The following SCAF4 variants were observed in gnomAD, a reference collection of about 807,000 sequenced individuals.
SCAF4 encodes SR-related CTD associated factor 4, also known as SR-related and CTD-associated factor 4.
In SCAF4, 25 loss-of-function variants were observed where a neutral mutation model predicts 129.8. That is an observed-to-expected ratio of 0.19 (90% CI 0.14 to 0.27). SCAF4 has a LOEUF of 0.27. Ranked by LOEUF, SCAF4 falls within the 10% of genes least tolerant of loss-of-function variation. The pLI is 1.00. For missense variants in SCAF4, 1,246 were observed against 1,457.1 expected, an observed-to-expected ratio of 0.86 and a Z score of 2.36; for synonymous variants, 551 against 497.7, an observed-to-expected ratio of 1.11 and a Z score of -1.43.
At chr21:31,690,997 G>C in intron 14 of SCAF4, 44 bp from the exon 15 acceptor site, 1 of 1,538,824 alleles carries the variant, frequency 6.5e-7, no homozygotes, top group East Asian at 2.3e-5. Flanking sequence ...ACAAAGCAAG[G>C]TCGTAAGTCT....
intron 5 of SCAF4, 26 bp downstream of exon 5, chr21:31,702,218 G>A (rs776262025): frequency 1.2e-6 from 2 of 1,613,204 alleles, no homozygotes; most frequent in South Asian, 1.1e-5. Flanking sequence ...ACCATTGTGT[G>A]AGCTCACAGA....
At chr21:31,721,055 T>C (rs2051054175) in intron 1 of SCAF4, among the ~76,000 whole-genome samples, 1 of 152,228 alleles carries the variant, frequency 6.6e-6, no homozygotes, top group Non-Finnish European at 1.5e-5. Flanking sequence ...GTTTTTGATA[T>C]ATTCAAGAGT....
intron 1 of SCAF4, among the ~76,000 whole-genome samples, chr21:31,716,207 C>T (rs2050917182): frequency 6.6e-6 from 1 of 152,058 alleles, no homozygotes; most frequent in Non-Finnish European, 1.5e-5. Context: ...GAAACCTAAA[C>T]TTTAAAAAAT....
At position 31,693,436 on chromosome 21, in the gene SCAF4, A is replaced by G. The variant is rs2050307914; in HGVS notation, c.1371T>C (p.Ser457=). ...RSRSGSRSRR[S]RHRRSRSRSR... is the part of the protein sequence containing the mutation. ...ACCGAGATCGAGAACGTCGATGCCG[A>G]GACCTTCGAGATCTAGAACCAGATC... The change falls in exon 12 of 20, where the codon TCT becomes TCC. Residue 457 remains serine, a synonymous_variant. Coordinates refer to ENST00000286835, the MANE Select transcript of SCAF4 (RefSeq NM_020706.2). 1.3e-6 allele frequency: 2 copies of G among 1,554,452 alleles called. No individual in the cohort carries two copies. The highest frequency in any genetic ancestry group is 2.4e-5 in the South Asian group (2 of 84,570).
chr21:31,706,659 A>C (rs1181385475), intron 1 of SCAF4: 2 of 339,066 alleles, frequency 5.9e-6, no homozygotes, highest in Non-Finnish European at 5.4e-6. Flanking sequence ...CTGCTCCTGC[A>C]AAAGTGGAAA....
intron 19 of SCAF4, among the ~76,000 whole-genome samples, chr21:31,677,740 TTGC>T (rs1489120645): frequency 2.6e-5 from 4 of 152,166 alleles, no homozygotes; most frequent in Non-Finnish European, 4.4e-5. Context: ...TCAGCATCCT[TTGC>T]TGGAGAGTAC....
chr21:31,712,692 C>T (rs2050833598), intron 1 of SCAF4, among the ~76,000 whole-genome samples: 1 of 151,850 alleles, frequency 6.6e-6, no homozygotes, highest in African/African-American at 2.4e-5. Flanking sequence ...CCATGCCTGG[C>T]TAATGTTTGT....
At chr21:31,691,974 A>G in intron 13 of SCAF4, 44 bp from the exon 14 acceptor site, 2 of 1,078,780 alleles carry the variant, frequency 1.9e-6, no homozygotes, top group Non-Finnish European at 2.8e-6. Flanking sequence ...ACAAAATTGA[A>G]AAGCAACAAG....
At chr21:31,693,208 T>C (rs1342656092) in intron 12 of SCAF4, 86 bp downstream of exon 12, 5 of 969,732 alleles carry the variant, frequency 5.2e-6, no homozygotes, top group East Asian at 2.9e-5. Context: ...ACATTTCTTT[T>C]ATAGTTTTGC....
rs751966202 is a variant in SCAF4, at chr21:31,705,449, G to T, written c.133C>A (p.Gln45Lys). ...KAIKLYKHVV[Q>K]IVEKFIKKCK... ...TTTTTGATGAACTTTTCTACTATTTGAACTACATGCTTATAAAGCTGAAAA... is the reference window on the plus strand; with the variant it reads ...TTTTTGATGAACTTTTCTACTATTTTAACTACATGCTTATAAAGCTGAAAA... The change falls in exon 3 of 20, where the codon CAA (glutamine) becomes AAA (lysine). Residue 45 changes from glutamine to lysine, a missense_variant. Transcript: ENST00000286835. 2.3e-6 allele frequency: 3 copies of T among 1,302,046 alleles called. No individual in the cohort carries two copies. Among genetic ancestry groups the T allele is most frequent in the Non-Finnish European group, 2.1e-6 (2 of 932,732 alleles). The allele number at this position is 1,302,046 out of a possible 1,614,324, so 80.7% of individuals were successfully genotyped here. A position where few individuals can be genotyped will look rare whatever the true frequency, so the allele number is the denominator to read the frequency against.
At chr21:31,676,472 G>A (rs1159455746) in intron 19 of SCAF4, among the ~76,000 whole-genome samples, 1 of 152,066 alleles carries the variant, frequency 6.6e-6, no homozygotes, top group Non-Finnish European at 1.5e-5. Flanking sequence ...CCCCAACATT[G>A]GTTTTAAATG....
intron 1 of SCAF4, among the ~76,000 whole-genome samples, chr21:31,722,777 A>AC (rs1204626000): frequency 2.0e-5 from 3 of 150,702 alleles, no homozygotes; most frequent in Non-Finnish European, 4.4e-5. Context: ...ACATTGAGAA[A>AC]CCCCGTCTCT....
At chr21:31,684,967 A>T (rs1350657550) in intron 19 of SCAF4, 82 bp downstream of exon 19, 9 of 605,290 alleles carry the variant, frequency 1.5e-5, no homozygotes, top group East Asian at 6.4e-5. Flanking sequence ...TTGTTTTTTT[A>T]AAAAAATCTA....
chr21:31,706,349 C>T lies in SCAF4; in HGVS notation c.39G>A (p.Ser13=), dbSNP rs141072342. ...AGATGGGAGGTTTCATATCCATAAG[C>T]GAAAAGAGCTTAAAAGACAAAAAAC... is the stretch of plus-strand genomic sequence containing the variant. ...AVNAFNQELF[S]LMDMKPPISR... Residue 13 remains serine (S), a synonymous_variant, in exon 2 of 20, where the codon TCG becomes TCA. Transcript: ENST00000286835. 4.2e-5 allele frequency: 67 copies of T among 1,603,452 alleles called. No individual in the cohort carries two copies. The highest frequency in any genetic ancestry group is 1.7e-4 in the Middle Eastern group (1 of 5,744).
chr21:31,685,823 A>G (rs1453933342), intron 16 of SCAF4, 90 bp from the exon 17 acceptor site: 2 of 1,267,144 alleles, frequency 1.6e-6, no homozygotes, highest in African/African-American at 1.5e-5. Context: ...CTGTTGAAAA[A>G]ATAGATGTTT....
intron 1 of SCAF4, among the ~76,000 whole-genome samples, chr21:31,717,890 T>C (rs1449341993): frequency 7.9e-4 from 83 of 104,686 alleles, no homozygotes; most frequent in African/African-American, 3.2e-3. Flanking sequence ...TATATACACA[T>C]ATATACACAT....
chr21:31,731,710 G>GGCT lies in SCAF4; in HGVS notation c.-21_-19dup. On this transcript the variant is annotated 5_prime_UTR_variant, in exon 1 of 20. Transcript: ENST00000286835. The stretch of plus-strand genomic sequence containing the variant: ...GCGTCCATGTTCGCGCTGCGGCGGC[G>GGCT]GCTGCTCCGGGCCCGCCGGTCACAT... 1 of 1,576,750 alleles carries GGCT rather than the reference G, an allele frequency of 6.3e-7. No homozygotes were observed. The highest frequency in any genetic ancestry group is 8.6e-7 in the Non-Finnish European group (1 of 1,168,208).
chr21:31,715,394 C>A (rs1381301357), intron 1 of SCAF4, among the ~76,000 whole-genome samples: 1 of 152,034 alleles, frequency 6.6e-6, no homozygotes, highest in Non-Finnish European at 1.5e-5. Context: ...CATCCCCAGT[C>A]TCTTTTGCCT....
intron 1 of SCAF4, among the ~76,000 whole-genome samples, chr21:31,709,066 A>G (rs1483474173): frequency 6.6e-6 from 1 of 152,124 alleles, no homozygotes; most frequent in African/African-American, 2.4e-5. Flanking sequence ...TGAAATCTCT[A>G]ATTTATGGAG....
Sources: gnomAD v4.1 joint callset for allele counts (sites outside exome capture counted in the v4.1 genomes callset) on GRCh38, gnomAD v4.1.1 for gene constraint, MANE v1.5 for transcripts, NCBI Gene and HGNC (gene_info 2026-07-23, HGNC 2026-07-21) for gene names.